NUDC: variants seen among roughly 807,000 people sequenced by gnomAD.
NUDC encodes the protein nuclear migration protein nudC.
A neutral mutation model predicts 45.0 loss-of-function variants in NUDC; 14 were observed. That is an observed-to-expected ratio of 0.31 (90% confidence interval 0.21 to 0.49). The LOEUF (loss-of-function observed/expected upper bound fraction) is 0.49. NUDC is among the 20% of genes least tolerant of loss of function. NUDC has a pLI of 0.99. For missense variants in NUDC, 323 were observed against 426.2 expected, an observed-to-expected ratio of 0.76 and a Z score of 2.13; for synonymous variants, 153 against 156.7, an observed-to-expected ratio of 0.98 and a Z score of 0.17.
chr1:26,935,241 C>T (rs1428363110), intron 2 of NUDC, among the ~76,000 whole-genome samples: 1 of 152,164 alleles, frequency 6.6e-6, no homozygotes, highest in Non-Finnish European at 1.5e-5. Context: ...CCTTGGCCTC[C>T]CAAAGTGTTG....
chr1:26,931,561 A>G (rs866872835), intron 2 of NUDC, among the ~76,000 whole-genome samples: 1 of 149,402 alleles, frequency 6.7e-6, no homozygotes, highest in African/African-American at 2.5e-5. Context: ...TGGGCGGATC[A>G]TGAGGTCAGG....
chr1:26,941,730 A>G, intron 3 of NUDC, 23 bp from the exon 4 acceptor site: 1 of 1,614,096 alleles, frequency 6.2e-7, no homozygotes, highest in Non-Finnish European at 8.5e-7. Context: ...TCCTGTTGCC[A>G]ACTGCTGTGC....
chr1:26,921,881 C>T lies in NUDC; in HGVS notation c.33C>T (p.Asp11=), dbSNP rs937419083. 4 of 1,555,106 alleles carry T rather than the reference C, an allele frequency of 2.6e-6. No individual in the cohort carries two copies. The highest frequency in any genetic ancestry group is 3.5e-6 in the Non-Finnish European group (4 of 1,149,344). The change falls in exon 1 of 9, where the codon GAC becomes GAT. Residue 11 remains aspartate, a synonymous_variant. Coordinates refer to ENST00000321265, the MANE Select transcript of NUDC (RefSeq NM_006600.4). ...GAGAGCAGGAGGAGGAGCGGTTCGA[C>T]GGCATGTTGCTGGCCATGGCTCAGC... The part of the protein sequence containing the change: MGGEQEEERF[D]GMLLAMAQQH...
chr1:26,921,824 C>T lies in NUDC; in HGVS notation c.-25C>T, dbSNP rs200501125. On this transcript the variant is annotated 5_prime_UTR_variant, in exon 1 of 9. Coordinates refer to ENST00000321265, the MANE Select transcript of NUDC (RefSeq NM_006600.4). ...AGCGCGGGACTAGAGTGCAGAGCTC[C>T]GGGACGTGGATCGGAGCCGGCGCGA... The T allele has an allele frequency of 1.1e-4, 169 of 1,549,340 alleles. No homozygotes were observed. The African/African-American group carries it at 2.1e-3, about 19-fold the overall frequency.
chr1:26,934,662 G>GTT (rs757796116), intron 2 of NUDC, among the ~76,000 whole-genome samples: 5,188 of 142,654 alleles, frequency 0.036, 295 homozygotes, highest in African/African-American at 0.12. Context: ...AAGGACAGAG[G>GTT]TTTTTTTTTT....
chr1:26,907,580 G>A (rs770641941), intron 2 of NUDC, among the ~76,000 whole-genome samples: 1 of 151,056 alleles, frequency 6.6e-6, no homozygotes, highest in African/African-American at 2.5e-5. Flanking sequence ...ACAGGGTGGA[G>A]TTAATGCGGG....
Position 26,932,220 on chromosome 1 carries a change from A to G in NUDC, c.159+8054A>G, listed in dbSNP as rs183532803. 4.7e-3 allele frequency among the ~76,000 whole-genome samples: 704 copies of G among 149,874 alleles called. 5 individuals carry two copies. Among genetic ancestry groups the G allele is most frequent in the Admixed American group, 0.016 (237 of 14,898 alleles). ...GAGACAGAGTATCGCTCTGTTGCCC[A>G]GGCTAGAGTATAGTGGTGTGACCTT... On this transcript the variant is annotated intron_variant, in intron 2 of 8. Transcript: ENST00000321265.
chr1:26,944,934 C>G (rs192632697), intron 6 of NUDC, among the ~76,000 whole-genome samples: 12 of 151,928 alleles, frequency 7.9e-5, no homozygotes, highest in Admixed American at 3.3e-4. Context: ...CCCAGTTACT[C>G]GGGAGGCTGA....
At chr1:26,916,134 C>A (rs2082060752) in intron 3 of NUDC, among the ~76,000 whole-genome samples, 1 of 151,826 alleles carries the variant, frequency 6.6e-6, no homozygotes, top group Non-Finnish European at 1.5e-5. Context: ...CGCCTGTAAT[C>A]ACAGCACTTT....
intron 2 of NUDC, chr1:26,902,424 C>G (rs1171534710): frequency 6.6e-6 from 1 of 152,278 alleles, no homozygotes; most frequent in African/African-American, 2.4e-5. Flanking sequence ...CCCACTTCCT[C>G]CCACCCAGTT....
chr1:26,902,666 C>CT lies in NUDC; in HGVS notation c.-16+302dup, dbSNP rs367882336. ...TCGGGAGGTTGAGGTCGGAGGATCA[C>CT]TTGAGCCCAAGAGAGCAAGGCTGCA... On this transcript the variant is annotated intron_variant, in intron 2 of 6. Coordinates refer to the NUDC transcript ENST00000435827. 3.8e-3 allele frequency among the ~76,000 whole-genome samples: 580 copies of CT among 152,038 alleles called. 4 individuals are homozygous for CT. The highest frequency in any genetic ancestry group is 0.014 in the African/African-American group (560 of 41,470).
At position 26,927,959 on chromosome 1, in the gene NUDC, A is replaced by G. The variant is rs116214187; in HGVS notation, c.159+3793A>G. On this transcript the variant is annotated intron_variant, in intron 2 of 8. Transcript: ENST00000321265. ...CAGAAATATATATATCAATATACAT[A>G]CCAAGTAGAAGAAATGAAGACTGTA... Among the ~76,000 whole-genome samples, 1,150 of 152,316 alleles carry G rather than the reference A, an allele frequency of 7.6e-3. 7 individuals are homozygous for G. The highest frequency in any genetic ancestry group is 0.015 in the Admixed American group (225 of 15,294).
chr1:26,933,895 C>T (rs922143756), intron 2 of NUDC, among the ~76,000 whole-genome samples: 1 of 152,192 alleles, frequency 6.6e-6, no homozygotes, highest in Admixed American at 6.5e-5. Context: ...TGGCTCACGC[C>T]TGTAATCCCA....
At chr1:26,913,025 G>A (rs980772571) in intron 3 of NUDC, among the ~76,000 whole-genome samples, 4 of 152,220 alleles carry the variant, frequency 2.6e-5, no homozygotes, top group African/African-American at 9.6e-5. Context: ...GCTCACGCCT[G>A]TAATCCCAGC....
chr1:26,940,757 C>G (rs1235989993), intron 2 of NUDC, among the ~76,000 whole-genome samples: 1 of 152,198 alleles, frequency 6.6e-6, no homozygotes, highest in Non-Finnish European at 1.5e-5. Context: ...CTGATCTCAG[C>G]TCACTGCAAC....
intron 2 of NUDC, among the ~76,000 whole-genome samples, chr1:26,909,636 T>C (rs1337139773): frequency 6.6e-6 from 1 of 152,030 alleles, no homozygotes; most frequent in African/African-American, 2.4e-5. Context: ...ATAAAAGATA[T>C]AGAATGACCC....
chr1:26,913,195 GA>G (rs2082038525), intron 3 of NUDC, among the ~76,000 whole-genome samples: 1 of 152,074 alleles, frequency 6.6e-6, no homozygotes, highest in Non-Finnish European at 1.5e-5. Flanking sequence ...CTGAGGCAGA[GA>G]AAATTGCTTG....
chr1:26,934,515 GCCCTTCC>G (rs2082210774), intron 2 of NUDC, among the ~76,000 whole-genome samples: 1 of 152,048 alleles, frequency 6.6e-6, no homozygotes, highest in Non-Finnish European at 1.5e-5. Flanking sequence ...ACACAATCAT[GCCCTTCC>G]AACAGCCCCA....
At chr1:26,942,293 AAAAAT>A (rs748177566) in intron 4 of NUDC, among the ~76,000 whole-genome samples, 5 of 152,196 alleles carry the variant, frequency 3.3e-5, no homozygotes, top group Non-Finnish European at 7.3e-5. Flanking sequence ...TCCGTCCCAA[AAAAAT>A]AAAATAAAAA....
Sources: gnomAD v4.1 joint callset for allele counts (sites outside exome capture counted in the v4.1 genomes callset) on GRCh38, gnomAD v4.1.1 for gene constraint, MANE v1.5 for transcripts, NCBI Gene and HGNC (gene_info 2026-07-23, HGNC 2026-07-21) for gene names.